The following USP25 variants were observed in gnomAD, a reference collection of about 807,000 sequenced individuals.
USP25 encodes the protein ubiquitin carboxyl-terminal hydrolase 25.
USP25 carries 85 observed loss-of-function variants against 158.5 expected under a neutral mutation model. The observed-to-expected ratio is 0.54, with a 90% CI of 0.45 to 0.64. The LOEUF is 0.64. USP25 is among the 30% of genes least tolerant of loss of function. The probability of loss-of-function intolerance (pLI) is 0.00; values close to 1 mark genes in which losing one functional copy is unlikely to be tolerated. For synonymous variants in USP25, 464 were observed against 460.4 expected (o/e 1.01, Z -0.10); for missense variants, 1,242 against 1,327.3 (o/e 0.94, Z 1.00).
At chr21:15,769,324 C>A (rs1354090208) in intron 3 of USP25, among the ~76,000 whole-genome samples, 2 of 152,102 alleles carry the variant, frequency 1.3e-5, no homozygotes, top group African/African-American at 2.4e-5. Context: ...TTGTGCTCTG[C>A]ATAAAAAAGA....
At chr21:15,748,396 C>T (rs1300303306) in intron 1 of USP25, among the ~76,000 whole-genome samples, 3 of 152,002 alleles carry the variant, frequency 2.0e-5, no homozygotes, top group Non-Finnish European at 4.4e-5. Context: ...ATCCTCCCTC[C>T]TCAGCCTCCC....
At chr21:15,781,704 G>C (rs1010290434) in intron 4 of USP25, among the ~76,000 whole-genome samples, 13 of 152,106 alleles carry the variant, frequency 8.5e-5, no homozygotes. Flanking sequence ...TTGAATCAAA[G>C]CCAGGGGGTT....
rs2034070000 is a variant in USP25 at position 15,766,894 on chromosome 21, A to G, written c.268+753A>G. On this transcript the variant is annotated intron_variant, in intron 3 of 25. Transcript: ENST00000400183. The surrounding 1 kb of genome is among the most constrained non-coding windows in gnomAD (Gnocchi z 4.0). ...AGAGAATTTCTTATTTTGTTTATAG[A>G]CATTCTCAAAGTTAGGAAGCAACCA... is the stretch of plus-strand genomic sequence containing the variant. 1.3e-5 allele frequency among the ~76,000 whole-genome samples: 2 copies of G among 152,176 alleles called. No homozygotes were observed. Among genetic ancestry groups the G allele is most frequent in the South Asian group, 4.1e-4 (2 of 4,824 alleles).
chr21:15,822,248 A>G (rs1401757651), intron 10 of USP25, among the ~76,000 whole-genome samples: 1 of 151,990 alleles, frequency 6.6e-6, no homozygotes, highest in Non-Finnish European at 1.5e-5. Context: ...TAAAACATGA[A>G]TTTACAGAAT....
In USP25 at chr21:15,730,454, C is replaced by T. The variant is rs931502140; in HGVS notation, c.45+16C>T. The T allele has an allele frequency of 1.3e-5, 18 of 1,353,948 alleles. No individual in the cohort carries two copies. Among genetic ancestry groups the T allele is most frequent in the African/African-American group, 1.5e-5 (1 of 65,692 alleles). The allele number at this position is 1,353,948 out of a possible 1,614,324, so 83.9% of individuals were successfully genotyped here. A position where few individuals can be genotyped will look rare whatever the true frequency, so the allele number is the denominator to read the frequency against. ...GGCGCAGAAGGTGAGGCGAGTCCGC[C>T]AGCCGGCGGGCCCCACTTCTCCTTC... On this transcript the variant is annotated intron_variant, in intron 1 of 25. Transcript: ENST00000400183.
At chr21:15,820,509 C>G (rs926637941) in intron 10 of USP25, among the ~76,000 whole-genome samples, 1 of 151,868 alleles carries the variant, frequency 6.6e-6, no homozygotes, top group Non-Finnish European at 1.5e-5. Flanking sequence ...TTTCTAATCT[C>G]CACTACTGTG....
chr21:15,870,085 T>C lies in USP25; in HGVS notation c.2823T>C (p.Tyr941=). 6.2e-7 allele frequency: 1 copy of C among 1,609,800 alleles called. No homozygotes were observed. The highest frequency in any genetic ancestry group is 8.5e-7 in the Non-Finnish European group (1 of 1,177,990). Residue 941 remains tyrosine, a synonymous_variant, in exon 23 of 26, where the codon TAT becomes TAC. Transcript: ENST00000400183. ...LEEYEEWHQD[Y]RKFRETTMYL... ...ACCTACAGGAGTGGCATCAGGATTA[T>C]AGGAAATTCAGGGAAACAACTATGT...
intron 17 of USP25, among the ~76,000 whole-genome samples, chr21:15,838,708 T>C (rs143379567): frequency 6.6e-6 from 1 of 152,250 alleles, no homozygotes; most frequent in African/African-American, 2.4e-5. Flanking sequence ...GTGAACGTAA[T>C]AAGTATTGAC....
chr21:15,846,136 ATATATATATATATATATATATAT>A (rs2038581764), intron 18 of USP25, among the ~76,000 whole-genome samples: 1 of 43,124 alleles, frequency 2.3e-5, no homozygotes, highest in Non-Finnish European at 4.1e-5. Context: ...ATATATATAT[ATATATATATATATATATATATAT>A]TTTTTTTTTT....
chr21:15,808,921 G>T, intron 8 of USP25, 36 bp downstream of exon 8: 2 of 1,406,550 alleles, frequency 1.4e-6, no homozygotes, highest in Non-Finnish European at 2.0e-6. Flanking sequence ...GGGGTTTTAG[G>T]AATTCATTAG....
intron 1 of USP25, among the ~76,000 whole-genome samples, chr21:15,753,822 G>T (rs753402686): frequency 1.8e-4 from 28 of 152,076 alleles, no homozygotes; most frequent in Non-Finnish European, 3.4e-4. Flanking sequence ...GTACTTACAG[G>T]AGTCCCACAA....
At position 15,767,254 on chromosome 21, in the gene USP25, TTC is replaced by T. The variant is rs538380533; in HGVS notation, c.268+1117_268+1118del. 2.5e-3 allele frequency among the ~76,000 whole-genome samples: 379 copies of T among 152,200 alleles called. 2 individuals are homozygous for T. The highest frequency in any genetic ancestry group is 8.8e-3 in the African/African-American group (367 of 41,548). ...TCTCATGTACTCAGTGGTATTTAAT[TTC>T]TCTGTCTTTACATTTGCTGTTCCTT... On this transcript the variant is annotated intron_variant, in intron 3 of 25. Coordinates refer to ENST00000400183, the MANE Select transcript of USP25 (RefSeq NM_001283041.3).
chr21:15,757,906 G>T (rs1219210668), intron 1 of USP25, among the ~76,000 whole-genome samples: 47 of 152,162 alleles, frequency 3.1e-4, no homozygotes, highest in Non-Finnish European at 2.9e-5. Flanking sequence ...ATTCGTGTTT[G>T]TATTTTACTT....
At chr21:15,818,199 C>A (rs915930579) in intron 9 of USP25, among the ~76,000 whole-genome samples, 21 of 152,166 alleles carry the variant, frequency 1.4e-4, no homozygotes, top group Admixed American at 1.0e-3. Context: ...CTCTCCCCAC[C>A]ACCTCCAAGA....
intron 20 of USP25, among the ~76,000 whole-genome samples, chr21:15,852,072 T>C (rs1406604097): frequency 6.6e-6 from 1 of 152,154 alleles, no homozygotes; most frequent in African/African-American, 2.4e-5. Context: ...AAATAAATAC[T>C]GTGGTTAATA....
chr21:15,822,662 T>C (rs2037291512), intron 10 of USP25, among the ~76,000 whole-genome samples: 1 of 151,990 alleles, frequency 6.6e-6, no homozygotes, highest in East Asian at 1.9e-4. Context: ...AAGTGTTCTT[T>C]CTGATGTGTC....
intron 4 of USP25, among the ~76,000 whole-genome samples, chr21:15,784,692 C>T (rs2035176216): frequency 1.3e-5 from 2 of 152,036 alleles, no homozygotes; most frequent in Non-Finnish European, 2.9e-5. Context: ...TTGTTATTAG[C>T]TTAAAATAGT....
At chr21:15,736,129 G>A (rs921682700) in intron 1 of USP25, among the ~76,000 whole-genome samples, 1 of 150,800 alleles carries the variant, frequency 6.6e-6, no homozygotes, top group South Asian at 2.1e-4. Context: ...ACGGGGTTTT[G>A]CTCTCTCACC....
At chr21:15,776,457 A>G (rs1298417848) in intron 3 of USP25, among the ~76,000 whole-genome samples, 1 of 152,152 alleles carries the variant, frequency 6.6e-6, no homozygotes, top group Non-Finnish European at 1.5e-5. Flanking sequence ...TCTGGAAAAT[A>G]TCAATATACA....
Sources: allele counts gnomAD v4.1 joint callset (sites outside exome capture counted in the v4.1 genomes callset), GRCh38; gene constraint gnomAD v4.1.1; non-coding constraint Gnocchi (gnomAD v3.1); transcripts MANE v1.5; gene names NCBI Gene and HGNC (gene_info 2026-07-23, HGNC 2026-07-21).